Variants in ARHGAP10 observed in about 807,000 individuals in gnomAD.
ARHGAP10 encodes rho GTPase-activating protein 10.
Under a neutral mutation model 108.6 loss-of-function variants are expected in ARHGAP10, and 87 were observed. That is an observed-to-expected ratio of 0.80 (90% confidence interval 0.67 to 0.96). The LOEUF (loss-of-function observed/expected upper bound fraction) is 0.96, where lower values mean the gene tolerates loss of function less well. Among genes scored for constraint, ARHGAP10 ranks in the 40% least tolerant of loss-of-function variants. ARHGAP10 has a pLI of 0.00. For synonymous variants in ARHGAP10, 347 were observed against 341.1 expected (o/e 1.02, Z -0.19); for missense variants, 939 against 954.5 (o/e 0.98, Z 0.21).
chr4:147,934,993 G>A (rs1408039311), intron 13 of ARHGAP10, among the ~76,000 whole-genome samples: 2 of 152,144 alleles, frequency 1.3e-5, no homozygotes, highest in East Asian at 3.9e-4. Flanking sequence ...GTCGAATCTT[G>A]GGCAACCAGA....
At chr4:147,966,901 G>C in intron 18 of ARHGAP10, 62 bp downstream of exon 18, 1 of 1,295,232 alleles carries the variant, frequency 7.7e-7, no homozygotes, top group East Asian at 2.6e-5. Context: ...ACTACACAAC[G>C]ATCCTCTTAG....
intron 1 of ARHGAP10, among the ~76,000 whole-genome samples, chr4:147,772,183 C>CTTTA (rs1322566822): frequency 1.3e-5 from 2 of 152,230 alleles, no homozygotes; most frequent in African/African-American, 4.8e-5. Flanking sequence ...CCATCTCCAC[C>CTTTA]TTTAAACTGC....
At chr4:148,068,781 G>A (rs968525093) in intron 22 of ARHGAP10, among the ~76,000 whole-genome samples, 10 of 152,178 alleles carry the variant, frequency 6.6e-5, no homozygotes, top group African/African-American at 2.2e-4. Context: ...CACTCACCGT[G>A]TGATGATGAC....
chr4:147,848,724 A>G (rs949966074), intron 4 of ARHGAP10, among the ~76,000 whole-genome samples: 2 of 152,174 alleles, frequency 1.3e-5, no homozygotes, highest in African/African-American at 2.4e-5. Flanking sequence ...GAGTGAATAT[A>G]TTTACTTTTA....
chr4:147,882,147 T>C (rs1735353600), intron 10 of ARHGAP10, among the ~76,000 whole-genome samples: 1 of 152,114 alleles, frequency 6.6e-6, no homozygotes, highest in Admixed American at 6.5e-5. Context: ...GGAGTCATTC[T>C]AACCAGGGTT....
chr4:147,740,371 T>G (rs1728610213), intron 1 of ARHGAP10, among the ~76,000 whole-genome samples: 1 of 152,184 alleles, frequency 6.6e-6, no homozygotes. Flanking sequence ...TAGGTTTGTC[T>G]TCACTCCAAA....
At chr4:147,918,024 A>G (rs775318594) in intron 13 of ARHGAP10, among the ~76,000 whole-genome samples, 1 of 152,182 alleles carries the variant, frequency 6.6e-6, no homozygotes, top group Non-Finnish European at 1.5e-5. Context: ...AGATATTTTT[A>G]TAATCTTACT....
intron 1 of ARHGAP10, among the ~76,000 whole-genome samples, chr4:147,806,998 G>A (rs1370600265): frequency 2.6e-5 from 4 of 152,178 alleles, no homozygotes; most frequent in South Asian, 2.1e-4. Flanking sequence ...AGGATGCTAC[G>A]CCTAATTCAT....
At chr4:147,906,610 A>C in intron 10 of ARHGAP10, 28 bp from the exon 11 acceptor site, 1 of 1,612,700 alleles carries the variant, frequency 6.2e-7, no homozygotes, top group Non-Finnish European at 8.5e-7. Context: ...GCCAAGGGGT[A>C]ACCTGATATG....
At chr4:148,036,598 GT>G (rs1578812803) in intron 19 of ARHGAP10, among the ~76,000 whole-genome samples, 2 of 152,316 alleles carry the variant, frequency 1.3e-5, no homozygotes, top group Non-Finnish European at 2.9e-5. Context: ...ATGATTGTAA[GT>G]TTCCTGAGGC....
At chr4:147,771,759 CA>C (rs1198619480) in intron 1 of ARHGAP10, among the ~76,000 whole-genome samples, 1 of 152,124 alleles carries the variant, frequency 6.6e-6, no homozygotes, top group African/African-American at 2.4e-5. Context: ...TCATAATTCT[CA>C]TCTTCCTCGC....
At chr4:147,967,007 A>G (rs1739229668) in intron 18 of ARHGAP10, among the ~76,000 whole-genome samples, 168 bp downstream of exon 18, 1 of 152,142 alleles carries the variant, frequency 6.6e-6, no homozygotes, top group Admixed American at 6.5e-5. Flanking sequence ...CTGTCTTCTG[A>G]TGGAGTTCCA....
At chr4:148,040,741 T>A (rs1389453856) in intron 19 of ARHGAP10, among the ~76,000 whole-genome samples, 1 of 152,202 alleles carries the variant, frequency 6.6e-6, no homozygotes, top group Non-Finnish European at 1.5e-5. Context: ...TGTTTCTTTT[T>A]TGTTTCTGTT....
intron 18 of ARHGAP10, among the ~76,000 whole-genome samples, chr4:148,005,444 T>C (rs1306298433): frequency 6.6e-6 from 1 of 152,180 alleles, no homozygotes; most frequent in Non-Finnish European, 1.5e-5. Context: ...TATAGAAATA[T>C]ATATACAATA....
chr4:147,933,910 A>AG (rs1172225540), intron 13 of ARHGAP10, among the ~76,000 whole-genome samples: 2 of 151,870 alleles, frequency 1.3e-5, no homozygotes, highest in African/African-American at 4.8e-5. Context: ...TTGCAGTGGG[A>AG]GGGGCGGGAG....
At chr4:148,028,233 G>A (rs781252067) in intron 19 of ARHGAP10, among the ~76,000 whole-genome samples, 18 of 152,222 alleles carry the variant, frequency 1.2e-4, no homozygotes, top group Admixed American at 3.3e-4. Flanking sequence ...GCAGAGAGCC[G>A]GAGCCAGGTG....
intron 10 of ARHGAP10, among the ~76,000 whole-genome samples, chr4:147,882,195 G>A (rs1212872284): frequency 2.6e-5 from 4 of 152,124 alleles, no homozygotes; most frequent in Admixed American, 1.3e-4. Flanking sequence ...AGGTGCAGTG[G>A]CTCACACCTG....
At chr4:147,929,182 T>C (rs563323339) in intron 13 of ARHGAP10, among the ~76,000 whole-genome samples, 1 of 152,342 alleles carries the variant, frequency 6.6e-6, no homozygotes, top group East Asian at 1.9e-4. Flanking sequence ...ACAGCTCTAC[T>C]TTATCTGCTG....
intron 18 of ARHGAP10, among the ~76,000 whole-genome samples, chr4:147,974,282 G>A (rs1257792090): frequency 2.0e-5 from 3 of 152,054 alleles, no homozygotes; most frequent in East Asian, 1.9e-4. Flanking sequence ...ATGATTAGTG[G>A]TGTTGTGAAC....
Sources: gnomAD v4.1 joint callset for allele counts (sites outside exome capture counted in the v4.1 genomes callset) on GRCh38, gnomAD v4.1.1 for gene constraint, MANE v1.5 for transcripts, NCBI Gene and HGNC (gene_info 2026-07-23, HGNC 2026-07-21) for gene names.